The following MLLT10 variants were observed in gnomAD, a reference collection of about 807,000 sequenced individuals.
The protein encoded by MLLT10 is protein AF-10.
A neutral mutation model predicts 129.1 loss-of-function variants in MLLT10; 30 were observed. The ratio of observed to expected loss-of-function variants is 0.23; its 90% CI spans 0.17 to 0.32. The LOEUF (loss-of-function observed/expected upper bound fraction) is 0.32, where lower values mean the gene tolerates loss of function less well. Ranked by LOEUF, MLLT10 falls within the 10% of genes least tolerant of loss-of-function variation. The pLI, the probability that MLLT10 is intolerant of heterozygous loss-of-function variation, is 1.00. For missense variants in MLLT10, 1,119 were observed against 1,268.3 expected (o/e 0.88, Z 1.79); for synonymous variants, 490 against 446.4 (o/e 1.10, Z -1.23).
At chr10:21,682,326 A>T in intron 13 of MLLT10, 69 bp downstream of exon 13, 1 of 1,392,334 alleles carries the variant, frequency 7.2e-7, no homozygotes, top group Non-Finnish European at 1.0e-6. Flanking sequence ...GAGAATCTCG[A>T]TTGAAAGCTA....
At chr10:21,628,731 G>T (rs552464024) in intron 8 of MLLT10, among the ~76,000 whole-genome samples, 1 of 135,026 alleles carries the variant, frequency 7.4e-6, no homozygotes, top group Non-Finnish European at 1.6e-5. Flanking sequence ...ATGAACCACT[G>T]TGCCCTGCCT....
chr10:21,626,659 C>G (rs1347291434), intron 8 of MLLT10, among the ~76,000 whole-genome samples: 1 of 152,208 alleles, frequency 6.6e-6, no homozygotes, highest in Non-Finnish European at 1.5e-5. Context: ...GGATTACTCA[C>G]CTCTTTGAAG....
chr10:21,614,101 C>G (rs2044973199), intron 6 of MLLT10, among the ~76,000 whole-genome samples: 1 of 151,192 alleles, frequency 6.6e-6, no homozygotes, highest in Non-Finnish European at 1.5e-5. Context: ...TCCTGTAGTC[C>G]CAGCTATTTG....
intron 3 of MLLT10, among the ~76,000 whole-genome samples, chr10:21,545,137 C>G (rs1027854786): frequency 1.3e-5 from 2 of 151,584 alleles, no homozygotes; most frequent in Non-Finnish European, 2.9e-5. Context: ...AAGAGTGAAG[C>G]TCCATCTCAG....
At chr10:21,613,486 C>T (rs1272795045) in intron 6 of MLLT10, among the ~76,000 whole-genome samples, 5 of 152,142 alleles carry the variant, frequency 3.3e-5, no homozygotes, top group African/African-American at 1.2e-4. Flanking sequence ...TACCAAATTT[C>T]TCAAAGATGA....
intron 5 of MLLT10, among the ~76,000 whole-genome samples, chr10:21,604,050 A>T (rs1274463843): frequency 3.3e-5 from 5 of 151,932 alleles, no homozygotes; most frequent in African/African-American, 1.2e-4. Context: ...CTTCACATAC[A>T]TTTCTTGGGG....
chr10:21,542,999 C>T (rs1391591779), intron 3 of MLLT10, among the ~76,000 whole-genome samples: 1 of 151,526 alleles, frequency 6.6e-6, no homozygotes, highest in African/African-American at 2.4e-5. Flanking sequence ...TGCTGTGTTG[C>T]CCAGGCTGGA....
At chr10:21,648,553 ATAGAG>A (rs1173462786) in intron 8 of MLLT10, among the ~76,000 whole-genome samples, 6 of 152,214 alleles carry the variant, frequency 3.9e-5, no homozygotes, top group African/African-American at 9.7e-5. Flanking sequence ...AGTAGAATAT[ATAGAG>A]TAAAGGAGGA....
At chr10:21,595,240 A>C in intron 4 of MLLT10, 91 bp from the exon 5 acceptor site, 1 of 839,504 alleles carries the variant, frequency 1.2e-6, no homozygotes. Flanking sequence ...ATTTATTTCA[A>C]TAGACATTTA....
At chr10:21,602,199 G>A (rs2043601099) in intron 5 of MLLT10, among the ~76,000 whole-genome samples, 1 of 152,148 alleles carries the variant, frequency 6.6e-6, no homozygotes, top group Non-Finnish European at 1.5e-5. Flanking sequence ...CTAATTTCTA[G>A]AAAAGAGAGA....
chr10:21,580,762 C>T (rs865852783), intron 3 of MLLT10, among the ~76,000 whole-genome samples: 47 of 151,530 alleles, frequency 3.1e-4, no homozygotes, highest in Admixed American at 1.6e-3. Flanking sequence ...AATGCAATGG[C>T]GCGATCTTGA....
chr10:21,642,122 G>A (rs77338878), intron 8 of MLLT10, among the ~76,000 whole-genome samples: 3 of 152,074 alleles, frequency 2.0e-5, no homozygotes, highest in Non-Finnish European at 4.4e-5. Context: ...AGGCCGAGGC[G>A]GGCAGATCAC....
intron 21 of MLLT10, among the ~76,000 whole-genome samples, chr10:21,739,448 A>G: frequency 6.6e-6 from 1 of 151,610 alleles, no homozygotes; most frequent in African/African-American, 2.4e-5. Flanking sequence ...ATTAAACCCT[A>G]CTCCCTCCAG....
intron 10 of MLLT10, among the ~76,000 whole-genome samples, chr10:21,672,710 T>C (rs1486638570): frequency 6.6e-6 from 1 of 152,188 alleles, no homozygotes; most frequent in Non-Finnish European, 1.5e-5. Flanking sequence ...AAAATTGGAT[T>C]GGGAGAATGT....
chr10:21,582,223 T>G (rs1029225271), intron 3 of MLLT10, among the ~76,000 whole-genome samples: 1 of 151,998 alleles, frequency 6.6e-6, no homozygotes, highest in African/African-American at 2.4e-5. Context: ...GTTCAATCGA[T>G]TTTTGTGCCT....
At chr10:21,574,834 C>T (rs964755211) in intron 3 of MLLT10, among the ~76,000 whole-genome samples, 6 of 152,156 alleles carry the variant, frequency 3.9e-5, no homozygotes, top group African/African-American at 1.4e-4. Flanking sequence ...AGTTTTGTCA[C>T]CATCTTGGCT....
intron 4 of MLLT10, among the ~76,000 whole-genome samples, chr10:21,592,287 A>G (rs2042578036): frequency 6.6e-6 from 1 of 152,190 alleles, no homozygotes; most frequent in East Asian, 1.9e-4. Flanking sequence ...TTCTGGAATC[A>G]TTTTCCTATT....
At chr10:21,554,647 A>G (rs1378260776) in intron 3 of MLLT10, among the ~76,000 whole-genome samples, 1 of 150,300 alleles carries the variant, frequency 6.7e-6, no homozygotes, top group Non-Finnish European at 1.5e-5. Context: ...ATTTTGGTAG[A>G]GATGAGGTTT....
chr10:21,613,674 G>A (rs770705028), intron 6 of MLLT10, among the ~76,000 whole-genome samples: 5 of 151,072 alleles, frequency 3.3e-5, no homozygotes, highest in Non-Finnish European at 7.4e-5. Context: ...AGACAGAGGT[G>A]GGCAGATTGC....
Sources: gnomAD v4.1 joint callset for allele counts (sites outside exome capture counted in the v4.1 genomes callset) on GRCh38, gnomAD v4.1.1 for gene constraint, MANE v1.5 for transcripts, NCBI Gene and HGNC (gene_info 2026-07-23, HGNC 2026-07-21) for gene names.